The following RPAP3 variants were observed in gnomAD, a reference collection of about 807,000 sequenced individuals.
The protein encoded by RPAP3 is RNA polymerase II associated protein 3.
A neutral mutation model predicts 88.8 loss-of-function variants in RPAP3; 58 were observed. The observed-to-expected ratio is 0.65, with a 90% CI of 0.53 to 0.81. The LOEUF (loss-of-function observed/expected upper bound fraction) is 0.81. Among genes scored for constraint, RPAP3 ranks in the 40% least tolerant of loss-of-function variants. The probability of loss-of-function intolerance (pLI) is 0.00; values close to 1 mark genes in which losing one functional copy is unlikely to be tolerated. For missense variants in RPAP3, 751 were observed against 764.3 expected (o/e 0.98, Z 0.20); for synonymous variants, 255 against 259.9 (o/e 0.98, Z 0.18).
chr12:47,689,051 C>G, intron 7 of RPAP3, 74 bp downstream of exon 7: 1 of 706,426 alleles, frequency 1.4e-6, no homozygotes. Context: ...ATCTATAGTA[C>G]AAAATCTATG....
At chr12:47,701,319 T>G (rs1939649283) in intron 3 of RPAP3, 145 bp downstream of exon 3, 2 of 517,000 alleles carry the variant, frequency 3.9e-6, no homozygotes, top group Non-Finnish European at 6.4e-6. Flanking sequence ...GCTATGTCAT[T>G]AAATGTTTAT....
chr12:47,685,378 C>A (rs199978868), intron 9 of RPAP3, among the ~76,000 whole-genome samples: 449 of 130,088 alleles, frequency 3.5e-3, no homozygotes, highest in South Asian at 4.4e-3. Flanking sequence ...GACTCTGTCT[C>A]AAAAAAAAAA....
At chr12:47,665,883 C>T (rs890091687) in intron 16 of RPAP3, among the ~76,000 whole-genome samples, 2 of 152,116 alleles carry the variant, frequency 1.3e-5, no homozygotes, top group African/African-American at 2.4e-5. Flanking sequence ...CTGCCTTAAC[C>T]TCCCAAAGTG....
chr12:47,670,338 A>C lies in RPAP3; in HGVS notation c.1295T>G (p.Leu432Arg), dbSNP rs1161366989. Residue 432 changes from leucine (L) to arginine (R), a missense_variant, in exon 13 of 17, where the codon CTC becomes CGC. Leu to Arg is a moderately radical substitution (Grantham distance 102). Coordinates refer to ENST00000005386, the MANE Select transcript of RPAP3 (RefSeq NM_024604.3). The part of the protein sequence containing the change: ...NPPHPGSTKP[L>R]KKVIIEETGN... ...AGTTTCTTCAATAATAACCTTCTTGAGTGGTTTCTAAAACAATTAAAATCA... is the reference window on the plus strand; with the variant it reads ...AGTTTCTTCAATAATAACCTTCTTGCGTGGTTTCTAAAACAATTAAAATCA... 1 of 1,572,314 alleles carries C rather than the reference A, an allele frequency of 6.4e-7. No homozygotes were observed. Among genetic ancestry groups the C allele is most frequent in the Non-Finnish European group, 8.7e-7 (1 of 1,147,558 alleles).
At chr12:47,686,545 T>TACACATAC (rs57271770) in intron 9 of RPAP3, among the ~76,000 whole-genome samples, 82 of 145,456 alleles carry the variant, frequency 5.6e-4, no homozygotes, top group Middle Eastern at 3.6e-3. Flanking sequence ...CACATACACA[T>TACACATAC]ACACACACAC....
chr12:47,664,038 A>C (rs1339126987), intron 16 of RPAP3, among the ~76,000 whole-genome samples: 2 of 152,220 alleles, frequency 1.3e-5, no homozygotes, highest in Admixed American at 6.5e-5. Flanking sequence ...ATGAAATCAC[A>C]CTTGATGGGA....
intron 3 of RPAP3, chr12:47,701,260 T>C: frequency 2.7e-6 from 1 of 369,374 alleles, no homozygotes; most frequent in Non-Finnish European, 4.8e-6. Context: ...TTAGCCACCA[T>C]TTGCTGAAAG....
At chr12:47,700,575 T>C (rs1939636133) in intron 3 of RPAP3, among the ~76,000 whole-genome samples, 1 of 152,144 alleles carries the variant, frequency 6.6e-6, no homozygotes, top group African/African-American at 2.4e-5. Context: ...TTAAAGTAGA[T>C]CACAGTGCAG....
chr12:47,698,615 G>T (rs1939584370), intron 3 of RPAP3, among the ~76,000 whole-genome samples: 1 of 152,126 alleles, frequency 6.6e-6, no homozygotes, highest in Admixed American at 6.5e-5. Context: ...CCGGGCTCCA[G>T]CCATCTTCCC....
intron 5 of RPAP3, 116 bp from the exon 6 acceptor site, chr12:47,690,755 A>AT: frequency 1.6e-6 from 1 of 625,624 alleles, no homozygotes; most frequent in Non-Finnish European, 2.5e-6. Flanking sequence ...CACTGAAGGC[A>AT]TTTTTCCCAC....
chr12:47,690,154 G>C (rs1326103945), intron 6 of RPAP3, among the ~76,000 whole-genome samples: 1 of 151,202 alleles, frequency 6.6e-6, no homozygotes, highest in Non-Finnish European at 1.5e-5. Context: ...TGAAATAATA[G>C]AAGGCTTAGA....
intron 12 of RPAP3, among the ~76,000 whole-genome samples, chr12:47,671,989 T>C (rs1939008333): frequency 6.7e-6 from 1 of 148,970 alleles, no homozygotes; most frequent in Admixed American, 6.7e-5. Context: ...ATTGTGACCA[T>C]TTAAAAAAAA....
intron 5 of RPAP3, among the ~76,000 whole-genome samples, chr12:47,695,056 T>C (rs957383912): frequency 1.1e-4 from 16 of 151,648 alleles, no homozygotes; most frequent in Middle Eastern, 3.4e-3. Context: ...TTCATAGCAT[T>C]GCTGAAATAA....
At chr12:47,688,876 G>A (rs1939374996) in intron 7 of RPAP3, among the ~76,000 whole-genome samples, 1 of 152,134 alleles carries the variant, frequency 6.6e-6, no homozygotes, top group South Asian at 2.1e-4. Flanking sequence ...TAATAATTCT[G>A]TCATCTGAGA....
At chr12:47,700,755 A>C (rs1446359433) in intron 3 of RPAP3, among the ~76,000 whole-genome samples, 1 of 152,218 alleles carries the variant, frequency 6.6e-6, no homozygotes. Flanking sequence ...TAGAAGGGTA[A>C]AGAAGCCCAA....
chr12:47,683,868 T>G (rs1048347742), intron 9 of RPAP3, among the ~76,000 whole-genome samples: 3 of 152,196 alleles, frequency 2.0e-5, no homozygotes, highest in African/African-American at 7.2e-5. Context: ...CACCATTAAG[T>G]GAACCACCCT....
At chr12:47,677,374 T>C (rs955058808) in intron 12 of RPAP3, among the ~76,000 whole-genome samples, 4 of 152,020 alleles carry the variant, frequency 2.6e-5, no homozygotes, top group Admixed American at 6.6e-5. Context: ...TTCAACACAA[T>C]GTCGGAAGTT....
intron 12 of RPAP3, among the ~76,000 whole-genome samples, chr12:47,675,576 A>C (rs932235817): frequency 6.6e-6 from 1 of 152,202 alleles, no homozygotes; most frequent in African/African-American, 2.4e-5. Context: ...GAAAGCAAAA[A>C]AAAGCAGGGG....
rs1279256902 is a variant in RPAP3, at chr12:47,697,653, A to C, written c.361T>G (p.Ser121Ala). The part of the protein sequence containing the change: ...THESLSQESE[S>A]EEDGIHVDSQ... ...TCTACATGAATCCCATCTTCTTCCG[A>C]CTCTGATTCTTGAGACAGAGACTCA... Residue 121 changes from serine (S) to alanine (A), a missense_variant, in exon 4 of 17, where the codon TCG (serine) becomes GCG (alanine). By Grantham distance (99) the Ser-to-Ala change is moderately conservative (BLOSUM62 1). Transcript: ENST00000005386. 6.2e-7 allele frequency: 1 copy of C among 1,610,642 alleles called. No individual in the cohort carries two copies. Among genetic ancestry groups the C allele is most frequent in the East Asian group, 2.2e-5 (1 of 44,740 alleles).
Sources: gnomAD v4.1 joint callset for allele counts (sites outside exome capture counted in the v4.1 genomes callset) on GRCh38, gnomAD v4.1.1 for gene constraint, MANE v1.5 for transcripts, NCBI Gene and HGNC (gene_info 2026-07-23, HGNC 2026-07-21) for gene names.